The following AGBL1 variants were observed in gnomAD, a reference collection of about 807,000 sequenced individuals.
The protein encoded by AGBL1 is cytosolic carboxypeptidase 4.
In AGBL1, 130 loss-of-function variants were observed where a neutral mutation model predicts 118.9. The ratio of observed to expected loss-of-function variants is 1.09; its 90% CI spans 0.95 to 1.26. The LOEUF (loss-of-function observed/expected upper bound fraction) is 1.26. Ranked by LOEUF, AGBL1 falls within the 50% of genes most tolerant of loss-of-function variation. AGBL1 has a pLI of 0.00. For synonymous variants in AGBL1, 555 were observed against 478.9 expected (o/e 1.16, Z -2.08); for missense variants, 1,584 against 1,298.1 (o/e 1.22, Z -3.38).
intron 17 of AGBL1, among the ~76,000 whole-genome samples, chr15:86,316,028 CTCAT>C (rs1248865886): frequency 6.6e-6 from 1 of 152,214 alleles, no homozygotes; most frequent in African/African-American, 2.4e-5. Context: ...AAAGCACTAT[CTCAT>C]TCATTTTATT....
intron 10 of AGBL1, among the ~76,000 whole-genome samples, chr15:86,263,289 C>T (rs1315736484): frequency 2.0e-5 from 3 of 152,202 alleles, no homozygotes; most frequent in African/African-American, 4.8e-5. Flanking sequence ...GTGTTCAGCA[C>T]TTTAACATGC....
At chr15:86,798,512 A>G (rs1281220894) in intron 22 of AGBL1, among the ~76,000 whole-genome samples, 1 of 152,012 alleles carries the variant, frequency 6.6e-6, no homozygotes, top group East Asian at 1.9e-4. Flanking sequence ...CTTTGTTACT[A>G]AGATTGGTTA....
At chr15:86,262,456 G>A (rs1033263474) in intron 9 of AGBL1, among the ~76,000 whole-genome samples, 4 of 152,092 alleles carry the variant, frequency 2.6e-5, no homozygotes, top group African/African-American at 9.7e-5. Flanking sequence ...TGATGCTGAC[G>A]ATAGTGGCAA....
At chr15:86,104,669 A>G (rs1427584038) in intron 1 of AGBL1, among the ~76,000 whole-genome samples, 1 of 152,186 alleles carries the variant, frequency 6.6e-6, no homozygotes. Context: ...GCTAAAGCTT[A>G]GGGATGCCCG....
intron 18 of AGBL1, among the ~76,000 whole-genome samples, chr15:86,491,462 A>G (rs2082777826): frequency 6.6e-6 from 1 of 152,112 alleles, no homozygotes; most frequent in Admixed American, 6.5e-5. Flanking sequence ...TGAGGCTTTC[A>G]GGCAGGGATG....
intron 5 of AGBL1, among the ~76,000 whole-genome samples, chr15:86,192,932 T>G (rs1165543431): frequency 6.6e-6 from 1 of 152,220 alleles, no homozygotes; most frequent in Non-Finnish European, 1.5e-5. Flanking sequence ...CCATTCCATT[T>G]ATTTCTATTG....
At chr15:86,796,806 G>T (rs1224656154) in intron 22 of AGBL1, among the ~76,000 whole-genome samples, 1 of 152,178 alleles carries the variant, frequency 6.6e-6, no homozygotes, top group Admixed American at 6.6e-5. Flanking sequence ...TCCACAAAGC[G>T]ATACTGTCTG....
At chr15:86,848,011 A>G (rs143134098) in intron 22 of AGBL1, among the ~76,000 whole-genome samples, 189 of 152,276 alleles carry the variant, frequency 1.2e-3, no homozygotes, top group African/African-American at 4.3e-3. Context: ...ATAAACACGG[A>G]CAATGCTGCT....
intron 5 of AGBL1, among the ~76,000 whole-genome samples, chr15:86,160,149 G>C (rs535295060): frequency 6.8e-6 from 1 of 147,624 alleles, no homozygotes; most frequent in Non-Finnish European, 1.5e-5. Flanking sequence ...GGAAGGAGGG[G>C]TCAGTGTTCT....
chr15:86,247,789 G>GCT lies in AGBL1; in HGVS notation c.648_649dup (p.Cys217SerfsTer49). On this transcript the variant is annotated frameshift_variant, in exon 7 of 23. Transcript: ENST00000614907. LOFTEE classifies it high-confidence loss of function. ...ACGTGCAGATCCGACGGGGCTTGCT[G>GCT]CTCTGCCTCAGGCACATTGCTGCCC... The GCT allele has an allele frequency of 1.2e-6, 2 of 1,613,974 alleles. No homozygotes were observed. The highest frequency in any genetic ancestry group is 1.7e-6 in the Non-Finnish European group (2 of 1,179,878).
intron 18 of AGBL1, among the ~76,000 whole-genome samples, chr15:86,493,576 C>A (rs2082810412): frequency 1.3e-5 from 2 of 152,042 alleles, no homozygotes. Flanking sequence ...CTTGATCTCA[C>A]ATTCCTCACT....
chr15:86,836,999 T>A (rs2079178859), intron 22 of AGBL1, among the ~76,000 whole-genome samples: 1 of 152,134 alleles, frequency 6.6e-6, no homozygotes, highest in Admixed American at 6.6e-5. Context: ...AGAACTAATT[T>A]TGCAGTGCTC....
chr15:86,540,047 G>T (rs2083473538), intron 19 of AGBL1, among the ~76,000 whole-genome samples: 1 of 152,032 alleles, frequency 6.6e-6, no homozygotes, highest in Non-Finnish European at 1.5e-5. Flanking sequence ...ATACAAACTT[G>T]GGCAAGTTAC....
intron 22 of AGBL1, among the ~76,000 whole-genome samples, chr15:86,757,098 GA>G (rs1276896800): frequency 4.2e-4 from 64 of 152,132 alleles, no homozygotes; most frequent in African/African-American, 1.3e-3. Context: ...ACGATTTTCT[GA>G]GTATTTATAA....
intron 17 of AGBL1, among the ~76,000 whole-genome samples, chr15:86,354,955 T>C (rs552176007): frequency 6.6e-6 from 1 of 152,304 alleles, no homozygotes; most frequent in South Asian, 2.1e-4. Flanking sequence ...TGTTGTGGAC[T>C]TTGAAGATGG....
At chr15:86,269,806 G>C in intron 13 of AGBL1, 113 bp from the exon 14 acceptor site, 1 of 1,232,820 alleles carries the variant, frequency 8.1e-7, no homozygotes, top group Non-Finnish European at 1.1e-6. Context: ...AGCTGGCTGA[G>C]ATCCTGGGTC....
intron 22 of AGBL1, among the ~76,000 whole-genome samples, chr15:86,896,586 G>A (rs1051821563): frequency 3.0e-4 from 45 of 151,838 alleles, no homozygotes; most frequent in African/African-American, 1.0e-3. Context: ...TAACTTTGTT[G>A]CGTTGCTAAC....
intron 18 of AGBL1, among the ~76,000 whole-genome samples, chr15:86,512,721 G>T (rs2083067426): frequency 6.6e-6 from 1 of 151,494 alleles, no homozygotes; most frequent in African/African-American, 2.4e-5. Context: ...TTGAATCCTT[G>T]TTATCTTTTT....
At chr15:86,556,141 C>T in intron 21 of AGBL1, 5 of 1,181,442 alleles carry the variant, frequency 4.2e-6, no homozygotes, top group Non-Finnish European at 6.1e-6. Context: ...AATAAATCAG[C>T]TGGAAACTCA....
Sources: allele counts gnomAD v4.1 joint callset (sites outside exome capture counted in the v4.1 genomes callset), GRCh38; gene constraint gnomAD v4.1.1; transcripts MANE v1.5; gene names NCBI Gene and HGNC (gene_info 2026-07-23, HGNC 2026-07-21).